TNIP3: variants seen among roughly 807,000 people sequenced by gnomAD.
TNIP3 encodes the protein TNFAIP3 interacting protein 3.
TNIP3 carries 34 observed loss-of-function variants against 54.1 expected under a neutral mutation model. The observed-to-expected ratio is 0.63, with a 90% CI of 0.48 to 0.84. TNIP3 has a LOEUF of 0.84. Ranked by LOEUF, TNIP3 falls within the 40% of genes least tolerant of loss-of-function variation. The probability of loss-of-function intolerance (pLI) is 0.00; values close to 1 mark genes in which losing one functional copy is unlikely to be tolerated. For synonymous variants in TNIP3, 134 were observed against 136.8 expected (o/e 0.98, Z 0.14); for missense variants, 366 against 387.6 (o/e 0.94, Z 0.47).
chr4:121,174,232 A>C (rs563417596), intron 3 of TNIP3, among the ~76,000 whole-genome samples: 4 of 152,202 alleles, frequency 2.6e-5, no homozygotes, highest in African/African-American at 9.6e-5. Flanking sequence ...TTTAAATACC[A>C]AAAGTTATAA....
chr4:121,147,314 C>G, intron 6 of TNIP3, 140 bp from the exon 7 acceptor site: 1 of 997,086 alleles, frequency 1.0e-6, no homozygotes, highest in South Asian at 2.2e-5. Context: ...TGTTTTGGAG[C>G]AAGTCATCCA....
intron 1 of TNIP3, among the ~76,000 whole-genome samples, chr4:121,224,648 G>T (rs886317508): frequency 7.9e-5 from 12 of 152,190 alleles, no homozygotes; most frequent in Admixed American, 7.2e-4. Context: ...ACTCTTTAAA[G>T]TTGATAATCT....
intron 2 of TNIP3, among the ~76,000 whole-genome samples, chr4:121,201,563 G>A (rs1413420136): frequency 6.6e-6 from 1 of 152,078 alleles, no homozygotes. Context: ...GAGTTTTCTA[G>A]CTAAGCCTAT....
intron 3 of TNIP3, chr4:121,182,621 T>G (rs954836463): frequency 2.0e-5 from 31 of 1,521,358 alleles, no homozygotes; most frequent in Non-Finnish European, 2.4e-5. Context: ...TTCTTCTTGA[T>G]GAATAAACTG....
At chr4:121,213,367 A>G (rs1726580838) in intron 2 of TNIP3, among the ~76,000 whole-genome samples, 1 of 152,216 alleles carries the variant, frequency 6.6e-6, no homozygotes, top group Non-Finnish European at 1.5e-5. Context: ...AAAATGAATC[A>G]TAGTCATTTT....
At position 121,222,811 on chromosome 4, in the gene TNIP3, T is replaced by TTTTTTG. The variant is rs1553939167; in HGVS notation, c.3+4573_3+4574insCAAAAA. ...TGAGGGTGTTTTTTGTGCGTTTTTTTTTTTTTTTTTTTGAGACGGAGTCTC... is the reference window on the plus strand; with the variant it reads ...TGAGGGTGTTTTTTGTGCGTTTTTTTTTTTTGTTTTTTTTTTTTGAGACGGAGTCTC... On this transcript the variant is annotated intron_variant, in intron 1 of 12. Transcript: ENST00000509841. 2.3e-3 allele frequency among the ~76,000 whole-genome samples: 325 copies of TTTTTTG among 142,904 alleles called. 5 individuals are homozygous for TTTTTTG. The highest frequency in any genetic ancestry group is 8.2e-3 in the African/African-American group (314 of 38,176). 93.8% of individuals were successfully genotyped at this position (142,904 alleles called of 152,430 possible).
chr4:121,226,361 A>G (rs1262117201), intron 1 of TNIP3, among the ~76,000 whole-genome samples: 2 of 152,260 alleles, frequency 1.3e-5, no homozygotes, highest in African/African-American at 4.8e-5. Flanking sequence ...AAATTCTGAT[A>G]TAAAAAATAC....
Position 121,132,389 on chromosome 4 carries a change from T to G in TNIP3, c.*242A>C, listed in dbSNP as rs1015920377. ...TCGTGCATCATCCATCTGCCAAGTCTCATTTCAAGGAAACTGGAAGTTGTA... is the reference window on the plus strand; with the variant it reads ...TCGTGCATCATCCATCTGCCAAGTCGCATTTCAAGGAAACTGGAAGTTGTA... On this transcript the variant is annotated 3_prime_UTR_variant, in exon 11 of 11. Coordinates refer to ENST00000057513, the MANE Select transcript of TNIP3 (RefSeq NM_024873.6). 10 of 460,750 alleles carry G rather than the reference T, an allele frequency of 2.2e-5. No homozygotes were observed. The highest frequency in any genetic ancestry group is 2.0e-4 in the East Asian group (6 of 29,614). The allele number at this position is 460,750 out of a possible 1,614,324, so 28.5% of individuals were successfully genotyped here. A position where few individuals can be genotyped will look rare whatever the true frequency, so the allele number is the denominator to read the frequency against.
intron 1 of TNIP3, among the ~76,000 whole-genome samples, chr4:121,221,812 A>G (rs1052614234): frequency 1.3e-5 from 2 of 152,186 alleles, no homozygotes; most frequent in African/African-American, 4.8e-5. Flanking sequence ...GGGGACTTTC[A>G]TCACCTATTT....
chr4:121,164,841 A>AT (rs1241484206), upstream of TNIP3, among the ~76,000 whole-genome samples: 1 of 152,182 alleles, frequency 6.6e-6, no homozygotes, highest in Non-Finnish European at 1.5e-5. Flanking sequence ...TGTCTTTTCT[A>AT]TAAATCAAGT....
chr4:121,138,377 T>A (rs1410076773), intron 10 of TNIP3, among the ~76,000 whole-genome samples: 1 of 152,232 alleles, frequency 6.6e-6, no homozygotes, highest in Non-Finnish European at 1.5e-5. Flanking sequence ...CAGATGGAAT[T>A]CTGACTCTGA....
At chr4:121,157,295 G>A in intron 3 of TNIP3, 52 bp from the exon 4 acceptor site, 1 of 1,611,382 alleles carries the variant, frequency 6.2e-7, no homozygotes, top group Non-Finnish European at 8.5e-7. Flanking sequence ...AAGCTCACAA[G>A]CCCCTGGATT....
chr4:121,212,098 C>T (rs1579501814), intron 2 of TNIP3, among the ~76,000 whole-genome samples: 1 of 152,338 alleles, frequency 6.6e-6, no homozygotes, highest in Middle Eastern at 3.4e-3. Context: ...AATAGCCTTA[C>T]AAGTGATTTC....
At chr4:121,155,606 C>T (rs1010426491) in intron 4 of TNIP3, among the ~76,000 whole-genome samples, 1 of 152,152 alleles carries the variant, frequency 6.6e-6, no homozygotes, top group Non-Finnish European at 1.5e-5. Context: ...TTTTAAACAA[C>T]TGAAGGTTAG....
chr4:121,143,826 T>TTC lies in TNIP3; in HGVS notation c.736-1052_736-1051dup, dbSNP rs572315295. Among the ~76,000 whole-genome samples the TTC allele has an allele frequency of 2.5e-3, 388 of 152,346 alleles. 1 individual carries two copies. Among genetic ancestry groups the TTC allele is most frequent in the Non-Finnish European group, 3.6e-3 (242 of 68,032 alleles). ...GTACTATAACATGTCTTAATGAAGC[T>TTC]TCTCTAACACACTTTTTCTCTATAA... On this transcript the variant is annotated intron_variant, in intron 7 of 10. Coordinates refer to ENST00000057513, the MANE Select transcript of TNIP3 (RefSeq NM_024873.6).
upstream of TNIP3, among the ~76,000 whole-genome samples, chr4:121,169,175 G>C (rs1730934570): frequency 6.6e-6 from 1 of 152,116 alleles, no homozygotes; most frequent in Non-Finnish European, 1.5e-5. Context: ...ATAGTGGCAA[G>C]GTCCTGCACA....
chr4:121,144,364 C>A (rs758705686), intron 7 of TNIP3, among the ~76,000 whole-genome samples: 2 of 152,102 alleles, frequency 1.3e-5, no homozygotes, highest in Non-Finnish European at 2.9e-5. Context: ...TGAGCCATGA[C>A]TTGACTTGAG....
chr4:121,183,424 A>G (rs1724828141), intron 2 of TNIP3, among the ~76,000 whole-genome samples: 1 of 152,214 alleles, frequency 6.6e-6, no homozygotes, highest in South Asian at 2.1e-4. Flanking sequence ...AGTTGCTCAT[A>G]GTCACATGGC....
intron 2 of TNIP3, chr4:121,192,678 GTTTTCAC>G (rs907587121): frequency 1.2e-4 from 18 of 152,248 alleles, no homozygotes; most frequent in Middle Eastern, 6.8e-3. Flanking sequence ...TTTCCCCAAG[GTTTTCAC>G]TTTGAATTTT....
Sources: gnomAD v4.1 joint callset for allele counts (sites outside exome capture counted in the v4.1 genomes callset) on GRCh38, gnomAD v4.1.1 for gene constraint, MANE v1.5 for transcripts, NCBI Gene and HGNC (gene_info 2026-07-23, HGNC 2026-07-21) for gene names.